TSPAN13: variants seen among roughly 807,000 people sequenced by gnomAD.
The protein encoded by TSPAN13 is tetraspanin-13.
TSPAN13 carries 18 observed loss-of-function variants against 26.9 expected under a neutral mutation model. The ratio of observed to expected loss-of-function variants is 0.67; its 90% CI spans 0.46 to 0.99. TSPAN13 has a LOEUF of 0.99. TSPAN13 is among the 50% of genes least tolerant of loss of function. The pLI is 0.00. For missense variants in TSPAN13, 201 were observed against 249.6 expected (o/e 0.81, Z 1.31); for synonymous variants, 116 against 98.4 (o/e 1.18, Z -1.06).
chr7:16,754,258 C>G (rs1274842775), intron 1 of TSPAN13, among the ~76,000 whole-genome samples: 1 of 152,210 alleles, frequency 6.6e-6, no homozygotes, highest in Admixed American at 6.5e-5. Context: ...GTCTCTCAGG[C>G]TCGCTGGCCG....
chr7:16,771,431 G>C (rs142892778), intron 1 of TSPAN13, among the ~76,000 whole-genome samples: 102 of 152,258 alleles, frequency 6.7e-4, no homozygotes, highest in African/African-American at 2.4e-3. Context: ...TTGAAGATGT[G>C]ATTAAATGAA....
chr7:16,769,562 T>C (rs1784650507), intron 1 of TSPAN13, among the ~76,000 whole-genome samples: 6 of 152,210 alleles, frequency 3.9e-5, no homozygotes, highest in Admixed American at 3.3e-4. Flanking sequence ...AATTATATCC[T>C]AAAAAGTATG....
chr7:16,782,509 T>C (rs1784824493), intron 5 of TSPAN13, among the ~76,000 whole-genome samples: 1 of 152,222 alleles, frequency 6.6e-6, no homozygotes, highest in South Asian at 2.1e-4. Context: ...GAGTTACAAT[T>C]TTCATTTATT....
chr7:16,779,266 A>G (rs2115336927), intron 5 of TSPAN13, 150 bp downstream of exon 5: 1 of 598,134 alleles, frequency 1.7e-6, no homozygotes, highest in Non-Finnish European at 2.9e-6. Context: ...AGAAGATCTT[A>G]CAAGTCTATT....
intron 1 of TSPAN13, among the ~76,000 whole-genome samples, chr7:16,755,102 C>T (rs1250224801): frequency 6.6e-6 from 1 of 151,976 alleles, no homozygotes; most frequent in South Asian, 2.1e-4. Context: ...CCATAGTAGT[C>T]TTGCTCCCTT....
chr7:16,757,113 G>A (rs541613425), intron 1 of TSPAN13, among the ~76,000 whole-genome samples: 9 of 152,198 alleles, frequency 5.9e-5, no homozygotes, highest in Admixed American at 2.0e-4. Flanking sequence ...ATTAAATGGC[G>A]TATAAGGAAT....
chr7:16,767,229 A>G (rs1382663066), intron 1 of TSPAN13, among the ~76,000 whole-genome samples: 6 of 152,230 alleles, frequency 3.9e-5, no homozygotes, highest in Non-Finnish European at 7.3e-5. Context: ...TGTCACTTCC[A>G]TGAATGTGTA....
At chr7:16,767,957 A>G (rs988520671) in intron 1 of TSPAN13, among the ~76,000 whole-genome samples, 3 of 151,928 alleles carry the variant, frequency 2.0e-5, no homozygotes, top group Non-Finnish European at 4.4e-5. Flanking sequence ...TTGTTGCCCA[A>G]GCTGAAGTGC....
chr7:16,762,829 G>C (rs989994966), intron 1 of TSPAN13, among the ~76,000 whole-genome samples: 6 of 152,014 alleles, frequency 3.9e-5, no homozygotes, highest in Non-Finnish European at 8.8e-5. Context: ...GGCAGAAGAT[G>C]GTCTAAAATG....
chr7:16,783,028 G>A (rs1784830682), intron 5 of TSPAN13, among the ~76,000 whole-genome samples: 1 of 152,056 alleles, frequency 6.6e-6, no homozygotes, highest in Non-Finnish European at 1.5e-5. Flanking sequence ...CCATGTTTCT[G>A]ACTCTGTCCT....
At chr7:16,772,822 C>T (rs1016309216) in intron 1 of TSPAN13, among the ~76,000 whole-genome samples, 1 of 151,896 alleles carries the variant, frequency 6.6e-6, no homozygotes, top group Non-Finnish European at 1.5e-5. Flanking sequence ...ATGGTGAAAC[C>T]CCGTCTCTAC....
At chr7:16,782,946 A>G (rs572925001) in intron 5 of TSPAN13, among the ~76,000 whole-genome samples, 22 of 152,290 alleles carry the variant, frequency 1.4e-4, no homozygotes, top group African/African-American at 5.1e-4. Context: ...CTCCTTTTAC[A>G]TCTTCAAAGC....
intron 5 of TSPAN13, among the ~76,000 whole-genome samples, chr7:16,780,248 C>A (rs1045515611): frequency 6.6e-6 from 1 of 151,850 alleles, no homozygotes; most frequent in African/African-American, 2.4e-5. Context: ...TACAGGCATG[C>A]ACCACTACAC....
chr7:16,758,236 T>C (rs73071718), intron 1 of TSPAN13, among the ~76,000 whole-genome samples: 1 of 152,134 alleles, frequency 6.6e-6, no homozygotes, highest in Admixed American at 6.5e-5. Flanking sequence ...AAAATTCTGT[T>C]TTTAATCTGT....
intron 1 of TSPAN13, among the ~76,000 whole-genome samples, chr7:16,774,194 GTC>G (rs1784713470): frequency 6.6e-6 from 1 of 152,306 alleles, no homozygotes; most frequent in South Asian, 2.1e-4. Context: ...TGACTTGCCA[GTC>G]ACGACAATCA....
intron 1 of TSPAN13, among the ~76,000 whole-genome samples, chr7:16,769,271 A>G (rs1784647313): frequency 6.6e-6 from 1 of 152,206 alleles, no homozygotes; most frequent in Non-Finnish European, 1.5e-5. Flanking sequence ...ATGGGTGAAA[A>G]CAACAACAAG....
Position 16,753,804 on chromosome 7 carries a change from C to T in TSPAN13, c.-164C>T, listed in dbSNP as rs1784448759. 5.0e-6 allele frequency: 3 copies of T among 599,906 alleles called. No homozygotes were observed. Among genetic ancestry groups the T allele is most frequent in the Admixed American group, 4.1e-5 (1 of 24,200 alleles). 37.2% of individuals were successfully genotyped at this position (599,906 alleles called of 1,614,324 possible). On this transcript the variant is annotated 5_prime_UTR_variant, in exon 1 of 6. Coordinates refer to ENST00000262067, the MANE Select transcript of TSPAN13 (RefSeq NM_014399.4). ...GTTCCAAAGCGGGTCCGAGCCGCCGCCGCGCGCGCGCCGCGCACTGCAGCC... is the reference window on the plus strand; with the variant it reads ...GTTCCAAAGCGGGTCCGAGCCGCCGTCGCGCGCGCGCCGCGCACTGCAGCC...
rs1046405997 is a variant in TSPAN13 at position 16,779,048 on chromosome 7, A to G, written c.472A>G (p.Ile158Val). 1.9e-6 allele frequency: 3 copies of G among 1,614,170 alleles called. No individual in the cohort carries two copies. The South Asian group carries it at 3.3e-5, about 18-fold the overall frequency. The change falls in exon 5 of 6, where the codon ATA becomes GTA. Residue 158 changes from isoleucine to valine, a missense_variant. By Grantham distance (29) the Ile-to-Val change is conservative. Coordinates refer to ENST00000262067, the MANE Select transcript of TSPAN13 (RefSeq NM_014399.4). The part of the protein sequence containing the change: ...DHSCSPCAPI[I>V]GEYAGEVLRF... Reference sequence around the variant, plus strand: ...CTCGTGCTCGCCATGTGCTCCAATCATAGGAGAATATGCTGGAGAGGTTTT... The same window carrying G: ...CTCGTGCTCGCCATGTGCTCCAATCGTAGGAGAATATGCTGGAGAGGTTTT...
chr7:16,778,885 A>T, intron 4 of TSPAN13, 118 bp from the exon 5 acceptor site: 1 of 692,798 alleles, frequency 1.4e-6, no homozygotes, highest in East Asian at 2.9e-5. Context: ...ACACTAAAAA[A>T]CCAAGGCCTC....
Sources: gnomAD v4.1 joint callset for allele counts (sites outside exome capture counted in the v4.1 genomes callset) on GRCh38, gnomAD v4.1.1 for gene constraint, MANE v1.5 for transcripts, NCBI Gene and HGNC (gene_info 2026-07-23, HGNC 2026-07-21) for gene names.